The following HORMAD2 variants were observed in gnomAD, a reference collection of about 807,000 sequenced individuals.
HORMAD2 encodes HORMA domain containing 2.
HORMAD2 carries 45 observed loss-of-function variants against 38.8 expected under a neutral mutation model. That is an observed-to-expected ratio of 1.16 (90% CI 0.91 to 1.49). The LOEUF (loss-of-function observed/expected upper bound fraction) is 1.49, where lower values mean the gene tolerates loss of function less well. HORMAD2 is among the 40% of genes most tolerant of loss of function. The pLI is 0.00. For synonymous variants in HORMAD2, 126 were observed against 122.8 expected, an observed-to-expected ratio of 1.03 and a Z score of -0.17; for missense variants, 338 against 367.0, an observed-to-expected ratio of 0.92 and a Z score of 0.65.
chr22:30,078,607 C>CAAAAAAA (rs55966787), upstream of HORMAD2, among the ~76,000 whole-genome samples: 741 of 28,076 alleles, frequency 0.026, 171 homozygotes, highest in Admixed American at 0.055. Context: ...CTCTGTCTCA[C>CAAAAAAA]AAAAAAAAAA....
chr22:30,112,755 T>C lies in HORMAD2; in HGVS notation c.342+233T>C, dbSNP rs980395607. ...AAGGCATTGAGAAGAACTGAGCTTA[T>C]TCCCTAACCTGTTGGCATTAAGAGT... On this transcript the variant is annotated intron_variant, in intron 7 of 10. Coordinates refer to ENST00000336726, the MANE Select transcript of HORMAD2 (RefSeq NM_152510.4). Among the ~76,000 whole-genome samples, 19 of 152,218 alleles carry C rather than the reference T, an allele frequency of 1.2e-4. No homozygotes were observed. The East Asian group carries it at 3.7e-3, about 29-fold the overall frequency.
the HORMAD2 span, among the ~76,000 whole-genome samples, chr22:30,197,603 A>G: frequency 3.3e-5 from 5 of 152,306 alleles, no homozygotes; most frequent in Admixed American, 2.0e-4. Flanking sequence ...AGATCTTCAA[A>G]GGGAGAATAA....
intron 10 of HORMAD2, among the ~76,000 whole-genome samples, chr22:30,156,543 T>C (rs1925088867): frequency 6.6e-6 from 1 of 152,258 alleles, no homozygotes; most frequent in Non-Finnish European, 1.5e-5. Flanking sequence ...TAAGTGCTAA[T>C]GATTAATAAG....
intron 10 of HORMAD2, among the ~76,000 whole-genome samples, chr22:30,130,695 ATTC>A (rs1373499052): frequency 6.9e-6 from 1 of 144,100 alleles, no homozygotes; most frequent in African/African-American, 2.6e-5. Flanking sequence ...GGATCAAGCC[ATTC>A]TTCTACCTCA....
At chr22:30,168,049 A>G (rs960070103) in intron 10 of HORMAD2, among the ~76,000 whole-genome samples, 3 of 152,122 alleles carry the variant, frequency 2.0e-5, no homozygotes, top group Admixed American at 6.5e-5. Flanking sequence ...TAAGCATTCA[A>G]ATGTTTCATT....
upstream of HORMAD2, among the ~76,000 whole-genome samples, chr22:30,079,185 C>G (rs1005025517): frequency 6.6e-6 from 1 of 151,974 alleles, no homozygotes; most frequent in Non-Finnish European, 1.5e-5. Context: ...TTCATCTACT[C>G]TCTTGGGAAA....
intron 10 of HORMAD2, among the ~76,000 whole-genome samples, chr22:30,127,846 A>C (rs971554946): frequency 2.0e-5 from 3 of 152,152 alleles, no homozygotes; most frequent in Non-Finnish European, 4.4e-5. Flanking sequence ...AAGCAACCCA[A>C]CCAGGAATAT....
At chr22:30,162,446 G>A (rs1925506305) in intron 10 of HORMAD2, among the ~76,000 whole-genome samples, 2 of 151,986 alleles carry the variant, frequency 1.3e-5, no homozygotes, top group South Asian at 2.1e-4. Context: ...TAAAATATAC[G>A]CTGGATTGTG....
the HORMAD2 span, among the ~76,000 whole-genome samples, chr22:30,207,368 T>A: frequency 6.6e-6 from 1 of 152,022 alleles, no homozygotes; most frequent in East Asian, 1.9e-4. Flanking sequence ...AACCACTGAT[T>A]AGGAAGCAAG....
chr22:30,175,404 GA>G (rs1448537115), intron 10 of HORMAD2, among the ~76,000 whole-genome samples: 1 of 147,232 alleles, frequency 6.8e-6, no homozygotes, highest in African/African-American at 2.5e-5. Context: ...CTAGTGGCTG[GA>G]AAATATATAA....
At chr22:30,084,467 C>T (rs1198336318) in intron 1 of HORMAD2, among the ~76,000 whole-genome samples, 1 of 152,062 alleles carries the variant, frequency 6.6e-6, no homozygotes, top group African/African-American at 2.4e-5. Flanking sequence ...ATTAAGCTTC[C>T]AAAATATGAA....
intron 10 of HORMAD2, among the ~76,000 whole-genome samples, chr22:30,125,609 T>G (rs1922810049): frequency 1.3e-5 from 2 of 152,312 alleles, no homozygotes; most frequent in South Asian, 4.1e-4. Flanking sequence ...CTTTAATATG[T>G]GCTTTTGGAT....
Position 30,121,985 on chromosome 22 carries a change from C to A in HORMAD2, c.590C>A (p.Pro197His), listed in dbSNP as rs750772616. Reference sequence around the variant, plus strand: ...GCAGTGACCCCACATGATTACCAACCCCTCGGTTTTAAAGAAGGGGTAAAT... The same window carrying A: ...GCAGTGACCCCACATGATTACCAACACCTCGGTTTTAAAGAAGGGGTAAAT... The part of the protein sequence containing the change: ...YNAVTPHDYQ[P>H]LGFKEGVNSH... Residue 197 changes from proline to histidine, a missense_variant, in exon 10 of 11, where the codon CCC becomes CAC. Transcript: ENST00000336726. 21 of 1,611,396 alleles carry A rather than the reference C, an allele frequency of 1.3e-5. No homozygotes were observed. The Middle Eastern group carries it at 5.0e-4, about 38-fold the overall frequency.
chr22:30,203,588 C>G, the HORMAD2 span, among the ~76,000 whole-genome samples: 2 of 152,146 alleles, frequency 1.3e-5, no homozygotes, highest in African/African-American at 4.8e-5. Flanking sequence ...TACAACAGCA[C>G]ACATACATTC....
intron 10 of HORMAD2, chr22:30,136,841 A>G (rs1382235192): frequency 3.2e-6 from 1 of 311,446 alleles, no homozygotes; most frequent in South Asian, 4.9e-5. Context: ...TGAAGACACC[A>G]TGGAGAGGAT....
At chr22:30,175,816 G>T (rs1426125394) in intron 10 of HORMAD2, among the ~76,000 whole-genome samples, 3 of 152,142 alleles carry the variant, frequency 2.0e-5, no homozygotes, top group Non-Finnish European at 4.4e-5. Flanking sequence ...GAATTCACTA[G>T]AGAGAGCCAA....
At chr22:30,179,072 C>T (rs1432739797), downstream of HORMAD2, among the ~76,000 whole-genome samples, 7 of 152,120 alleles carry the variant, frequency 4.6e-5, no homozygotes, top group African/African-American at 1.7e-4. Flanking sequence ...TGTGTGTGTT[C>T]TTAAAATTCC....
intron 10 of HORMAD2, among the ~76,000 whole-genome samples, chr22:30,164,355 A>AT (rs1211846150): frequency 6.6e-6 from 1 of 152,086 alleles, no homozygotes; most frequent in African/African-American, 2.4e-5. Flanking sequence ...TCTATTTTTA[A>AT]TTTTTTGAAG....
intron 10 of HORMAD2, among the ~76,000 whole-genome samples, chr22:30,143,153 A>G (rs772906498): frequency 3.8e-4 from 58 of 152,146 alleles, no homozygotes; most frequent in Non-Finnish European, 6.3e-4. Context: ...TACCATATGC[A>G]TATTATTTTA....
Sources: allele counts gnomAD v4.1 joint callset (sites outside exome capture counted in the v4.1 genomes callset), GRCh38; gene constraint gnomAD v4.1.1; transcripts MANE v1.5; gene names NCBI Gene and HGNC (gene_info 2026-07-23, HGNC 2026-07-21).